CABIN1: variants seen among roughly 807,000 people sequenced by gnomAD.
The protein encoded by CABIN1 is calcineurin binding protein 1, also known as calcineurin-binding protein cabin-1.
CABIN1 carries 133 observed loss-of-function variants against 227.7 expected under a neutral mutation model. The ratio of observed to expected loss-of-function variants is 0.58; its 90% CI spans 0.51 to 0.67. CABIN1 has a LOEUF of 0.67. CABIN1 is among the 30% of genes least tolerant of loss of function. CABIN1 has a pLI of 0.00. For missense variants in CABIN1, 2,408 were observed against 2,852.5 expected (o/e 0.84, Z 3.55); for synonymous variants, 1,086 against 1,155.1 (o/e 0.94, Z 1.21).
At chr22:24,139,863 C>A (rs1412845715) in intron 29 of CABIN1, among the ~76,000 whole-genome samples, 1 of 152,258 alleles carries the variant, frequency 6.6e-6, no homozygotes, top group African/African-American at 2.4e-5. Flanking sequence ...CAGTTGGTCT[C>A]CAAGCTCATT....
Position 24,156,237 on chromosome 22 carries a change from C to T in CABIN1, c.4747-8163C>T, listed in dbSNP as rs368792365. 1.4e-4 allele frequency among the ~76,000 whole-genome samples: 22 copies of T among 152,208 alleles called. No homozygotes were observed. In the East Asian group the frequency reaches 1.9e-3, roughly 13 times the overall value. ...GGGCTCTGGCGGCCGCCCCCCGCCT[C>T]GGCGCACCAGGCGCAGCAGGAAGCC... On this transcript the variant is annotated intron_variant, in intron 29 of 36. Transcript: ENST00000263119.
At chr22:24,058,007 G>T (rs1005387211) in intron 10 of CABIN1, among the ~76,000 whole-genome samples, 2 of 152,066 alleles carry the variant, frequency 1.3e-5, no homozygotes, top group Non-Finnish European at 2.9e-5. Context: ...TGTTGGTTTC[G>T]TTTGTGGTTT....
At position 24,167,322 on chromosome 22, in the gene CABIN1, C is replaced by G. The variant is rs2148703248; in HGVS notation, c.5682+9C>G. ...ACATGCTCATCAAGCAGGTGGGTGG[C>G]AGGCAGAGGCCTGGGGGCACTAGTC... On this transcript the variant is annotated intron_variant, in intron 32 of 36. Transcript: ENST00000263119. The G allele has an allele frequency of 6.2e-7, 1 of 1,609,872 alleles. No individual in the cohort carries two copies. The highest frequency in any genetic ancestry group is 8.5e-7 in the Non-Finnish European group (1 of 1,178,390).
chr22:24,160,146 G>A (rs1184458780), intron 29 of CABIN1, among the ~76,000 whole-genome samples: 1 of 152,092 alleles, frequency 6.6e-6, no homozygotes, highest in East Asian at 1.9e-4. Context: ...GAAAATGAGG[G>A]GTGAGTTGAT....
At chr22:24,050,349 G>A (rs534202969) in intron 7 of CABIN1, among the ~76,000 whole-genome samples, 2 of 152,276 alleles carry the variant, frequency 1.3e-5, no homozygotes, top group South Asian at 2.1e-4. Context: ...AGGTTAGGTC[G>A]CCTCAGAAGT....
At chr22:24,059,078 C>T in intron 10 of CABIN1, 149 bp from the exon 11 acceptor site, 1 of 900,672 alleles carries the variant, frequency 1.1e-6, no homozygotes, top group South Asian at 1.4e-5. Context: ...GAGGCAGAGC[C>T]TCCTGGAGGC....
intron 1 of CABIN1, among the ~76,000 whole-genome samples, chr22:24,017,568 G>C (rs1295553694): frequency 6.6e-6 from 1 of 152,140 alleles, no homozygotes; most frequent in Admixed American, 6.5e-5. Flanking sequence ...TATATACATG[G>C]AATCGTACAA....
At chr22:24,126,397 G>A (rs1421029752) in intron 28 of CABIN1, among the ~76,000 whole-genome samples, 1 of 152,166 alleles carries the variant, frequency 6.6e-6, no homozygotes, top group Non-Finnish European at 1.5e-5. Flanking sequence ...TGGCCACGAG[G>A]ATATTGGGGA....
intron 6 of CABIN1, among the ~76,000 whole-genome samples, chr22:24,045,429 G>A (rs909246526): frequency 6.6e-6 from 1 of 151,896 alleles, no homozygotes; most frequent in Non-Finnish European, 1.5e-5. Flanking sequence ...GCCTGGGCAA[G>A]ATAGTGAAAC....
intron 19 of CABIN1, 121 bp from the exon 20 acceptor site, chr22:24,083,107 C>A: frequency 1.0e-6 from 1 of 993,152 alleles, no homozygotes; most frequent in Non-Finnish European, 1.6e-6. Flanking sequence ...AGGAGCCCAA[C>A]AGACATAGCC....
At chr22:24,170,295 G>A (rs567149019) in intron 33 of CABIN1, among the ~76,000 whole-genome samples, 2 of 152,300 alleles carry the variant, frequency 1.3e-5, no homozygotes, top group East Asian at 3.9e-4. Context: ...CCTGCCATCA[G>A]AGCCCATAGC....
chr22:24,027,232 CTT>C (rs552062519), intron 1 of CABIN1, among the ~76,000 whole-genome samples: 149 of 152,238 alleles, frequency 9.8e-4, no homozygotes, highest in African/African-American at 3.4e-3. Context: ...TACCCTATGA[CTT>C]TGCTAAACAC....
intron 28 of CABIN1, among the ~76,000 whole-genome samples, chr22:24,131,762 G>A (rs1206863531): frequency 6.6e-6 from 1 of 152,146 alleles, no homozygotes; most frequent in African/African-American, 2.4e-5. Context: ...GCTCAACTGT[G>A]GTATTAGAAG....
At chr22:24,051,340 C>T (rs893766696) in intron 8 of CABIN1, among the ~76,000 whole-genome samples, 6 of 152,036 alleles carry the variant, frequency 3.9e-5, no homozygotes, top group Non-Finnish European at 8.8e-5. Flanking sequence ...AAATGGGGAG[C>T]CCAGAGACAG....
chr22:24,162,786 T>C (rs2046232058), intron 29 of CABIN1, among the ~76,000 whole-genome samples: 1 of 152,336 alleles, frequency 6.6e-6, no homozygotes, highest in South Asian at 2.1e-4. Flanking sequence ...TCAGCAGTGT[T>C]ATGTTACAAA....
At chr22:24,063,939 G>T in intron 14 of CABIN1, 96 bp from the exon 15 acceptor site, 1 of 1,495,520 alleles carries the variant, frequency 6.7e-7, no homozygotes, top group Admixed American at 1.7e-5. Context: ...CACCCTCATG[G>T]CCTCCACAGT....
Position 24,063,029 on chromosome 22 carries a change from C to A in CABIN1, c.1767C>A (p.Cys589Ter). 1 of 1,614,196 alleles carries A rather than the reference C, an allele frequency of 6.2e-7. No individual in the cohort carries two copies. The highest frequency in any genetic ancestry group is 8.5e-7 in the Non-Finnish European group (1 of 1,180,032). Residue 589 changes from cysteine to a stop codon, truncating the protein, a stop_gained, in exon 14 of 37, where the codon TGC (cysteine) becomes TGA (stop). Transcript: ENST00000263119. LOFTEE classifies it high-confidence loss of function. The part of the protein sequence containing the change: ...RFGPDFPGTH[C>*]LGDLLQLSFA... ...GACCTGACTTCCCAGGGACCCACTG[C>A]CTGGGTGACCTCCTACAGCTGTCAT...
At chr22:24,052,063 A>G (rs1391312552) in intron 8 of CABIN1, among the ~76,000 whole-genome samples, 2 of 152,038 alleles carry the variant, frequency 1.3e-5, no homozygotes, top group East Asian at 1.9e-4. Context: ...GTGCTCCCCA[A>G]CTACAGAGGG....
At chr22:24,168,582 T>C in intron 33 of CABIN1, 61 bp downstream of exon 33, 1 of 1,307,906 alleles carries the variant, frequency 7.6e-7, no homozygotes, top group Non-Finnish European at 1.1e-6. Flanking sequence ...ATCAAGGCCC[T>C]AGGATGCAGG....
Sources: gnomAD v4.1 joint callset for allele counts (sites outside exome capture counted in the v4.1 genomes callset) on GRCh38, gnomAD v4.1.1 for gene constraint, MANE v1.5 for transcripts, NCBI Gene and HGNC (gene_info 2026-07-23, HGNC 2026-07-21) for gene names.